PEDS1: variants seen among roughly 807,000 people sequenced by gnomAD.
PEDS1 encodes the protein CarF homolog.
In PEDS1, 14 loss-of-function variants were observed where a neutral mutation model predicts 35.2. The ratio of observed to expected loss-of-function variants is 0.40; its 90% confidence interval spans 0.26 to 0.62. PEDS1 has a LOEUF of 0.62. PEDS1 is among the 20% of genes least tolerant of loss of function. The probability of loss-of-function intolerance (pLI) is 0.44; values close to 1 mark genes in which losing one functional copy is unlikely to be tolerated. For synonymous variants in PEDS1, 152 were observed against 152.0 expected (o/e 1.00, Z 0.00); for missense variants, 260 against 367.8 (o/e 0.71, Z 2.40).
intron 2 of PEDS1, among the ~76,000 whole-genome samples, chr20:50,132,635 C>T (rs1176727083): frequency 2.0e-5 from 3 of 152,214 alleles, no homozygotes; most frequent in Non-Finnish European, 4.4e-5. Context: ...GCACCTCTGA[C>T]TGCTCTTGTG....
intron 2 of PEDS1, among the ~76,000 whole-genome samples, chr20:50,140,769 G>A (rs1395994624): frequency 1.3e-5 from 2 of 152,204 alleles, no homozygotes; most frequent in Non-Finnish European, 2.9e-5. Context: ...GACCTGCCTG[G>A]GACAGTGGAA....
intron 2 of PEDS1, among the ~76,000 whole-genome samples, chr20:50,137,588 G>A (rs891722451): frequency 3.3e-5 from 5 of 152,090 alleles, no homozygotes; most frequent in African/African-American, 1.2e-4. Context: ...AACCGTCAAG[G>A]TCAGCCAGGC....
intron 3 of PEDS1, 123 bp downstream of exon 3, chr20:50,130,733 C>T: frequency 8.1e-7 from 1 of 1,235,128 alleles, no homozygotes; most frequent in Non-Finnish European, 1.1e-6. Flanking sequence ...GGGTGAGGGA[C>T]AGGCTGCAAT....
intron 2 of PEDS1, among the ~76,000 whole-genome samples, chr20:50,139,606 GC>G (rs1348441378): frequency 6.6e-6 from 1 of 151,082 alleles, no homozygotes; most frequent in Non-Finnish European, 1.5e-5. Flanking sequence ...GGGAGACTCA[GC>G]CCCTGGGGGT....
At chr20:50,142,682 G>GC (rs3091914) in intron 2 of PEDS1, among the ~76,000 whole-genome samples, 824 of 33,740 alleles carry the variant, frequency 0.024, 36 homozygotes, top group South Asian at 0.055. Flanking sequence ...CAAGTCATCC[G>GC]CCCCCCCCCC....
chr20:50,127,340 GTTTTTTTTTTTT>G lies in PEDS1; in HGVS notation c.691+623_691+634del, dbSNP rs11471254. ...CAAGGGCAAGGATCCGTGTTTTCTG[GTTTTTTTTTTTT>G]TTTTTTTTTTTTTGAGACAGTCTCT... On this transcript the variant is annotated intron_variant, in intron 5 of 5. Coordinates refer to ENST00000371652, the MANE Select transcript of PEDS1 (RefSeq NM_199129.4). Among the ~76,000 whole-genome samples, 384 of 87,224 alleles carry G rather than the reference GTTTTTTTTTTTT, an allele frequency of 4.4e-3. 11 individuals carry two copies. In the East Asian group the frequency reaches 0.084, roughly 19 times the overall value. The allele number at this position is 87,224 out of a possible 152,430, so 57.2% of individuals were successfully genotyped here.
At chr20:50,137,213 T>G (rs1380881496) in intron 2 of PEDS1, among the ~76,000 whole-genome samples, 3 of 151,988 alleles carry the variant, frequency 2.0e-5, no homozygotes, top group African/African-American at 4.8e-5. Context: ...ACTACAGCTG[T>G]AGAGACAAGG....
intron 1 of PEDS1, among the ~76,000 whole-genome samples, chr20:50,146,688 G>A (rs2081348569): frequency 6.6e-6 from 1 of 152,136 alleles, no homozygotes; most frequent in Admixed American, 6.5e-5. Context: ...GGCTCAGAAG[G>A]GGAACGGAAC....
At chr20:50,143,771 C>T in intron 1 of PEDS1, 150 bp from the exon 2 acceptor site, 1 of 1,366,772 alleles carries the variant, frequency 7.3e-7, no homozygotes, top group South Asian at 1.5e-5. Context: ...CATCTCGGCT[C>T]ACTGCAACCT....
At position 50,125,945 on chromosome 20, in the gene PEDS1, G is replaced by C. The variant is rs772217041; in HGVS notation, c.692-766C>G. Among the ~76,000 whole-genome samples the C allele has an allele frequency of 9.2e-5, 14 of 151,878 alleles. No homozygotes were observed. In the South Asian group the frequency reaches 2.1e-3, roughly 23 times the overall value. On this transcript the variant is annotated intron_variant, in intron 5 of 5. Transcript: ENST00000371652. ...GTCTTGTCTTATATAGGCTGGTCTT[G>C]AACTCCTGGGCTCAAGCAATCCTCT...
At chr20:50,126,136 C>T (rs145153424) in intron 5 of PEDS1, among the ~76,000 whole-genome samples, 1 of 152,288 alleles carries the variant, frequency 6.6e-6, no homozygotes, top group African/African-American at 2.4e-5. Context: ...GGAACGTTAT[C>T]CCCAAAATGC....
Position 50,125,084 on chromosome 20 carries a change from T to A in PEDS1, c.787A>T (p.Met263Leu). 1 of 1,614,116 alleles carries A rather than the reference T, an allele frequency of 6.2e-7. No individual in the cohort carries two copies. Among genetic ancestry groups the A allele is most frequent in the Non-Finnish European group, 8.5e-7 (1 of 1,179,984 alleles). ...TATTTGATCTTCTGGGCCCATTTCA[T>A]GTCATCTGCCCGAGGCTTCTCGCCC... ...LTGEKPRADD[M>L]KWAQKIK The change falls in exon 6 of 6, where the codon ATG (methionine) becomes TTG (leucine). Residue 263 changes from methionine (M) to leucine (L), a missense_variant. This residue lies in a region of PEDS1 where 83 missense variants were observed against 142.8 expected (regional missense o/e 0.58). Coordinates refer to ENST00000371652, the MANE Select transcript of PEDS1 (RefSeq NM_199129.4).
chr20:50,140,859 C>T (rs749563768), intron 2 of PEDS1, among the ~76,000 whole-genome samples: 37 of 152,108 alleles, frequency 2.4e-4, no homozygotes, highest in Non-Finnish European at 4.9e-4. Flanking sequence ...ACACACAAAT[C>T]GGGGTGGCTA....
Position 50,151,189 on chromosome 20 carries a change from G to A in PEDS1, c.121+2328C>T, listed in dbSNP as rs568759804. 92 of 1,264,918 alleles carry A rather than the reference G, an allele frequency of 7.3e-5. No homozygotes were observed. In the South Asian group the frequency reaches 9.5e-4, roughly 13 times the overall value. 78.4% of individuals were successfully genotyped at this position (1,264,918 alleles called of 1,614,324 possible). ...AGTGGAAAGGAAGTTGGAGAAACCAGTTTGGCAAGTCTCCTCCCCTACCTC... is the reference window on the plus strand; with the variant it reads ...AGTGGAAAGGAAGTTGGAGAAACCAATTTGGCAAGTCTCCTCCCCTACCTC... On this transcript the variant is annotated intron_variant, in intron 1 of 5. Transcript: ENST00000371652.
chr20:50,139,607 C>G (rs994274579), intron 2 of PEDS1, among the ~76,000 whole-genome samples: 3 of 152,018 alleles, frequency 2.0e-5, no homozygotes, highest in Non-Finnish European at 4.4e-5. Flanking sequence ...GGAGACTCAG[C>G]CCCTGGGGGT....
At chr20:50,144,085 A>G (rs754391190) in intron 1 of PEDS1, among the ~76,000 whole-genome samples, 3 of 151,994 alleles carry the variant, frequency 2.0e-5, no homozygotes, top group Non-Finnish European at 4.4e-5. Context: ...TACCCATTTC[A>G]CAGATGACGT....
chr20:50,143,286 G>A (rs1460774767), intron 2 of PEDS1, among the ~76,000 whole-genome samples: 2 of 152,206 alleles, frequency 1.3e-5, no homozygotes, highest in Non-Finnish European at 2.9e-5. Context: ...CAATGCAAGA[G>A]GAAGAGAGGA....
In PEDS1 at chr20:50,129,411, T is replaced by C; in HGVS notation, c.478+135A>G. 2 of 1,352,982 alleles carry C rather than the reference T, an allele frequency of 1.5e-6. No individual in the cohort carries two copies. The highest frequency in any genetic ancestry group is 2.0e-6 in the Non-Finnish European group (2 of 1,021,138). 83.8% of individuals were successfully genotyped at this position (1,352,982 alleles called of 1,614,324 possible). On this transcript the variant is annotated intron_variant, in intron 4 of 5. Coordinates refer to ENST00000371652, the MANE Select transcript of PEDS1 (RefSeq NM_199129.4). This position sits in a 1 kb window ranked among gnomAD's most constrained non-coding sequence, Gnocchi z 4.2. ...CCATCTTCATGTCAGGTTTCCTGAT[T>C]TTACATGAAGACAATGAATGAAAAC...
chr20:50,138,068 A>G (rs967923026), intron 2 of PEDS1, among the ~76,000 whole-genome samples: 1 of 152,234 alleles, frequency 6.6e-6, no homozygotes, highest in Admixed American at 6.5e-5. Flanking sequence ...TGCCCCGCTA[A>G]TGTAAGATTT....
Sources: gnomAD v4.1 joint callset for allele counts (sites outside exome capture counted in the v4.1 genomes callset) on GRCh38, gnomAD v4.1.1 for gene constraint, gnomAD v4.1.1 regional missense constraint, Gnocchi (gnomAD v3.1) non-coding constraint, MANE v1.5 for transcripts, NCBI Gene and HGNC (gene_info 2026-07-23, HGNC 2026-07-21) for gene names.